Variants in CSMD3 observed in about 807,000 individuals in gnomAD.
The protein encoded by CSMD3 is CUB and sushi domain-containing protein 3.
CSMD3 carries 177 observed loss-of-function variants against 435.2 expected under a neutral mutation model. The observed-to-expected ratio is 0.41, with a 90% CI of 0.36 to 0.46. The LOEUF (loss-of-function observed/expected upper bound fraction) is 0.46. CSMD3 is among the 20% of genes least tolerant of loss of function. The pLI, the probability that CSMD3 is intolerant of heterozygous loss-of-function variation, is 0.34. For synonymous variants in CSMD3, 1,656 were observed against 1,520.5 expected, an observed-to-expected ratio of 1.09 and a Z score of -2.07; for missense variants, 4,265 against 4,504.6, an observed-to-expected ratio of 0.95 and a Z score of 1.52.
intron 38 of CSMD3, among the ~76,000 whole-genome samples, chr8:112,359,714 T>C (rs1826999134): frequency 6.6e-6 from 1 of 152,000 alleles, no homozygotes; most frequent in African/African-American, 2.4e-5. Flanking sequence ...AGGAGTAAAG[T>C]GGTCATTTGG....
At chr8:112,466,241 TGG>T (rs898050677) in intron 32 of CSMD3, among the ~76,000 whole-genome samples, 8 of 152,142 alleles carry the variant, frequency 5.3e-5, no homozygotes, top group Non-Finnish European at 1.2e-4. Flanking sequence ...AATTTCATAC[TGG>T]GGAAAATAAA....
At chr8:112,595,418 G>A in intron 22 of CSMD3, among the ~76,000 whole-genome samples, 2 of 111,640 alleles carry the variant, frequency 1.8e-5, no homozygotes, top group African/African-American at 3.8e-5. Flanking sequence ...TGGGGAGAAT[G>A]GAACCAAGTT....
intron 61 of CSMD3, among the ~76,000 whole-genome samples, chr8:112,258,802 G>A (rs1454666079): frequency 6.6e-6 from 1 of 152,156 alleles, no homozygotes; most frequent in Non-Finnish European, 1.5e-5. Flanking sequence ...CACTTTGGGA[G>A]GCCAAGGCGG....
chr8:112,839,844 T>C (rs890069663), intron 11 of CSMD3, among the ~76,000 whole-genome samples: 7 of 151,756 alleles, frequency 4.6e-5, no homozygotes, highest in Non-Finnish European at 8.9e-5. Flanking sequence ...CAGATATTTA[T>C]ATACTTTCAT....
intron 12 of CSMD3, among the ~76,000 whole-genome samples, chr8:112,804,166 G>A (rs1301245995): frequency 2.0e-5 from 3 of 152,084 alleles, no homozygotes; most frequent in Non-Finnish European, 2.9e-5. Context: ...AGAATCTACC[G>A]GTATGGATCC....
chr8:112,551,994 T>A (rs1053415020), intron 26 of CSMD3, among the ~76,000 whole-genome samples: 1 of 151,960 alleles, frequency 6.6e-6, no homozygotes, highest in Admixed American at 6.6e-5. Flanking sequence ...AGATAATGAC[T>A]CTGTACTTAT....
chr8:112,265,648 G>T (rs1816875687), intron 59 of CSMD3, 58 bp from the exon 60 acceptor site: 2 of 1,204,488 alleles, frequency 1.7e-6, no homozygotes, highest in African/African-American at 1.5e-5. Context: ...TAATGGAGAG[G>T]AGTAGTAAGC....
At chr8:112,465,535 A>G (rs62516481) in intron 32 of CSMD3, among the ~76,000 whole-genome samples, 44,624 of 152,008 alleles carry the variant, frequency 0.29, 6,792 homozygotes, top group East Asian at 0.51. Flanking sequence ...TATACCCTCC[A>G]AATTAAATAA....
rs74650604 is a variant in CSMD3 at position 112,430,533 on chromosome 8, G to C, written c.5396-21501C>G. Reference sequence around the variant, plus strand: ...TACTAACTGGGATCAGGAAGAAACTGCTTTTTCAGTAATAAAAATTATATA... The same window carrying C: ...TACTAACTGGGATCAGGAAGAAACTCCTTTTTCAGTAATAAAAATTATATA... On this transcript the variant is annotated intron_variant, in intron 32 of 70. Coordinates refer to ENST00000297405, the MANE Select transcript of CSMD3 (RefSeq NM_198123.2). 9.4e-3 allele frequency among the ~76,000 whole-genome samples: 1,433 copies of C among 151,810 alleles called. 22 individuals carry two copies. Among genetic ancestry groups the C allele is most frequent in the African/African-American group, 0.032 (1,336 of 41,434 alleles).
intron 13 of CSMD3, among the ~76,000 whole-genome samples, chr8:112,786,463 G>T (rs1284120091): frequency 6.6e-6 from 1 of 151,932 alleles, no homozygotes; most frequent in African/African-American, 2.4e-5. Context: ...GGCAAAGGAG[G>T]CAGGGTGAAG....
chr8:112,521,743 A>AAC lies in CSMD3; in HGVS notation c.4565-4519_4565-4518insGT, dbSNP rs1162065548. Among the ~76,000 whole-genome samples, 54 of 151,988 alleles carry AAC rather than the reference A, an allele frequency of 3.6e-4. 2 individuals are homozygous for AAC. The South Asian group carries it at 1.0e-2, about 28-fold the overall frequency. On this transcript the variant is annotated intron_variant, in intron 27 of 70. Transcript: ENST00000297405. ...GTGCCTATTTAACTTCTGTACTTAG[A>AAC]TATCTGGTAGGTTCCTTAACTTACT...
At chr8:112,417,208 ATT>A (rs1250177405) in intron 32 of CSMD3, among the ~76,000 whole-genome samples, 3 of 152,158 alleles carry the variant, frequency 2.0e-5, no homozygotes, top group Non-Finnish European at 4.4e-5. Flanking sequence ...GTCCTGTGAT[ATT>A]AAGGTATTTC....
At chr8:112,281,772 C>T (rs1818672041) in intron 58 of CSMD3, among the ~76,000 whole-genome samples, 1 of 152,080 alleles carries the variant, frequency 6.6e-6, no homozygotes, top group African/African-American at 2.4e-5. Context: ...TCAGAAAAGA[C>T]AGATACACAA....
intron 64 of CSMD3, among the ~76,000 whole-genome samples, chr8:112,244,831 A>T (rs867847421): frequency 6.6e-6 from 1 of 152,000 alleles, no homozygotes; most frequent in Non-Finnish European, 1.5e-5. Context: ...AAAAAAAGAC[A>T]TTGTCAACAA....
At chr8:113,374,181 CTT>C (rs996910407) in intron 1 of CSMD3, among the ~76,000 whole-genome samples, 1 of 151,854 alleles carries the variant, frequency 6.6e-6, no homozygotes, top group African/African-American at 2.4e-5. Flanking sequence ...TATATACACA[CTT>C]TGGCATATGA....
Position 113,174,680 on chromosome 8 carries a change from AT to A in CSMD3, c.515-765del, listed in dbSNP as rs373174991. Among the ~76,000 whole-genome samples, 32 of 152,014 alleles carry A rather than the reference AT, an allele frequency of 2.1e-4. No homozygotes were observed. The South Asian group carries it at 6.6e-3, about 32-fold the overall frequency. ...ATCCAACTTTAGATTAAATGAAAAA[AT>A]TTTTTTGAAAATAGCAGAACTTCAG... On this transcript the variant is annotated intron_variant, in intron 3 of 70. Transcript: ENST00000297405.
intron 63 of CSMD3, among the ~76,000 whole-genome samples, chr8:112,250,608 T>C (rs749751903): frequency 2.6e-5 from 4 of 151,596 alleles, no homozygotes; most frequent in Non-Finnish European, 5.9e-5. Context: ...TGCTTATTTG[T>C]AGAAAAATAG....
chr8:113,030,424 A>AAAG (rs1554755377), intron 5 of CSMD3, among the ~76,000 whole-genome samples: 2 of 98,460 alleles, frequency 2.0e-5, no homozygotes, highest in Non-Finnish European at 3.8e-5. Context: ...TGGTAAAAAA[A>AAAG]AAAAAAAAAA....
intron 65 of CSMD3, 42 bp downstream of exon 65, chr8:112,244,352 T>C (rs753353290): frequency 1.0e-5 from 15 of 1,501,530 alleles, no homozygotes; most frequent in African/African-American, 1.4e-5. Context: ...AAAGCAATAG[T>C]GCAATCTCTT....
Sources: gnomAD v4.1 joint callset for allele counts (sites outside exome capture counted in the v4.1 genomes callset) on GRCh38, gnomAD v4.1.1 for gene constraint, MANE v1.5 for transcripts, NCBI Gene and HGNC (gene_info 2026-07-23, HGNC 2026-07-21) for gene names.